Variants in CKAP5 observed in about 807,000 individuals in gnomAD.
CKAP5 encodes cytoskeleton-associated protein 5.
Under a neutral mutation model 232.8 loss-of-function variants are expected in CKAP5, and 27 were observed. The ratio of observed to expected loss-of-function variants is 0.12; its 90% confidence interval spans 0.09 to 0.16. The LOEUF (loss-of-function observed/expected upper bound fraction) is 0.16. Among genes scored for constraint, CKAP5 ranks in the 10% least tolerant of loss-of-function variants. The pLI is 1.00. For missense variants in CKAP5, 1,838 were observed against 2,424.7 expected (o/e 0.76, Z 5.08); for synonymous variants, 785 against 841.1 (o/e 0.93, Z 1.16).
chr11:46,824,229 G>A (rs1433962477), intron 1 of CKAP5, among the ~76,000 whole-genome samples: 1 of 152,216 alleles, frequency 6.6e-6, no homozygotes, highest in Admixed American at 6.5e-5. Flanking sequence ...ATTAGGATAT[G>A]TGGAACTTTC....
intron 35 of CKAP5, 112 bp from the exon 36 acceptor site, chr11:46,755,179 G>A: frequency 1.5e-6 from 1 of 681,570 alleles, no homozygotes. Flanking sequence ...TACTTCTAAA[G>A]TCTTACCTTA....
chr11:46,775,317 AAAC>A (rs1350741758), intron 24 of CKAP5, among the ~76,000 whole-genome samples: 1 of 152,234 alleles, frequency 6.6e-6, no homozygotes, highest in Non-Finnish European at 1.5e-5. Context: ...GCGATCATTA[AAAC>A]AACAGATGCT....
chr11:46,765,537 CTTTTTG>C (rs1442251883), intron 27 of CKAP5, among the ~76,000 whole-genome samples: 1 of 148,804 alleles, frequency 6.7e-6, no homozygotes, highest in Non-Finnish European at 1.5e-5. Context: ...AGGTCACAAA[CTTTTTG>C]TTTTTGTTTT....
rs1160178562 is a variant in CKAP5 at position 46,801,218 on chromosome 11, A to G, written c.1065T>C (p.Phe355=). 1 of 1,613,260 alleles carries G rather than the reference A, an allele frequency of 6.2e-7. No homozygotes were observed. Among genetic ancestry groups the G allele is most frequent in the East Asian group, 2.2e-5 (1 of 44,868 alleles). The part of the protein sequence containing the change: ...TGLAVGLRKK[F]GQYAGHVVPT... ...TACTTACATGTCCTGCATATTGTCC[A>G]AATTTCTTCCTTAGCCCAACAGCCA... The change falls in exon 9 of 44, where the codon TTT becomes TTC. Residue 355 remains phenylalanine (F), a synonymous_variant. Transcript: ENST00000529230.
intron 1 of CKAP5, among the ~76,000 whole-genome samples, chr11:46,829,852 G>GTA (rs1939739831): frequency 6.7e-6 from 1 of 149,446 alleles, no homozygotes; most frequent in African/African-American, 2.5e-5. Flanking sequence ...GTGTGTGTGT[G>GTA]TGTGTGTGTG....
intron 16 of CKAP5, among the ~76,000 whole-genome samples, chr11:46,784,876 G>GA (rs1476272704): frequency 3.3e-5 from 5 of 151,908 alleles, no homozygotes; most frequent in Non-Finnish European, 5.9e-5. Context: ...TGAAGAGAGG[G>GA]AAAAAAAGCT....
In CKAP5 at chr11:46,743,862, T is replaced by C; in HGVS notation, c.*161A>G. The stretch of plus-strand genomic sequence containing the variant: ...AGGACGCTGACAGAGAGAAGCAGAG[T>C]ATGTACAAATACTTGTGCCACAATG... On this transcript the variant is annotated 3_prime_UTR_variant, in exon 44 of 44. Transcript: ENST00000529230. The C allele has an allele frequency of 1.2e-6, 1 of 817,690 alleles. No homozygotes were observed. The highest frequency in any genetic ancestry group is 1.9e-6 in the Non-Finnish European group (1 of 520,080). 50.7% of individuals were successfully genotyped at this position (817,690 alleles called of 1,614,324 possible). A position where few individuals can be genotyped will look rare whatever the true frequency, so the allele number is the denominator to read the frequency against.
Position 46,750,292 on chromosome 11 carries a change from G to A in CKAP5, c.5686C>T (p.Arg1896Cys). Reference sequence around the variant, plus strand: ...ACCATACCTGTTGAAGTGGAAATACGACCTTTGCCCTCCCTCTCCATCTCA... The same window carrying A: ...ACCATACCTGTTGAAGTGGAAATACAACCTTTGCCCTCCCTCTCCATCTCA... ...VIEMEREGKG[R>C]ISTSTGISPQ... The change falls in exon 42 of 44, where the codon CGT (arginine) becomes TGT (cysteine). Residue 1896 changes from arginine to cysteine, a missense_variant. This residue lies in a region of CKAP5 where 579 missense variants were observed against 843.2 expected (regional missense o/e 0.69). Coordinates refer to ENST00000529230, the MANE Select transcript of CKAP5 (RefSeq NM_001008938.4). The A allele has an allele frequency of 1.2e-6, 2 of 1,614,012 alleles. No individual in the cohort carries two copies. The highest frequency in any genetic ancestry group is 1.3e-5 in the African/African-American group (1 of 75,014).
intron 9 of CKAP5, 75 bp downstream of exon 9, chr11:46,801,125 A>T: frequency 9.7e-7 from 1 of 1,034,252 alleles, no homozygotes; most frequent in Non-Finnish European, 1.5e-6. Context: ...GAGTTGTTTT[A>T]AAGCAAACAG....
intron 1 of CKAP5, chr11:46,827,000 G>A (rs1022887529): frequency 9.2e-5 from 14 of 152,690 alleles, no homozygotes; most frequent in African/African-American, 2.2e-4. Context: ...GAGGTTTGCA[G>A]GCCTCAGGCG....
At chr11:46,831,552 AG>A (rs1345181871) in intron 1 of CKAP5, among the ~76,000 whole-genome samples, 1 of 152,172 alleles carries the variant, frequency 6.6e-6, no homozygotes, top group African/African-American at 2.4e-5. Flanking sequence ...TTTTTGAGAC[AG>A]GGTATTGCTC....
In CKAP5 at chr11:46,795,749, G is replaced by C. The variant is rs777595690; in HGVS notation, c.1495C>G (p.Leu499Val). The C allele has an allele frequency of 2.5e-6, 4 of 1,613,672 alleles. No homozygotes were observed. The East Asian group carries it at 8.9e-5, about 36-fold the overall frequency. ...KIKECSEKVELIHGKKAGLAA... is the reference protein window; with the variant it reads ...KIKECSEKVEVIHGKKAGLAA... The stretch of plus-strand genomic sequence containing the variant: ...AGTCCAGCTTTCTTACCATGTATCA[G>C]TTCTACCTTTTCTGAACATTCTTTG... Residue 499 changes from leucine (L) to valine (V), a missense_variant, in exon 13 of 44, where the codon CTG becomes GTG. Transcript: ENST00000529230.
chr11:46,770,188 G>A, intron 25 of CKAP5, 90 bp from the exon 26 acceptor site: 1 of 1,357,570 alleles, frequency 7.4e-7, no homozygotes, highest in Non-Finnish European at 1.0e-6. Context: ...TCAAACAAAT[G>A]ATTGAGCTCC....
Position 46,801,317 on chromosome 11 carries a change from GT to G in CKAP5, c.979-14del. The G allele has an allele frequency of 6.3e-7, 1 of 1,593,190 alleles. No individual in the cohort carries two copies. Among genetic ancestry groups the G allele is most frequent in the Non-Finnish European group, 8.6e-7 (1 of 1,161,340 alleles). ...CCTTTCCAACAACCTACAAAGGGGG[GT>G]AAAAAGGAAAACAAAATAGTCACAG... is the stretch of plus-strand genomic sequence containing the variant. On this transcript the variant is annotated splice_polypyrimidine_tract_variant and intron_variant, in intron 8 of 43. Transcript: ENST00000529230.
chr11:46,844,958 ATCT>A (rs1940148158), intron 1 of CKAP5, among the ~76,000 whole-genome samples: 1 of 152,160 alleles, frequency 6.6e-6, no homozygotes, highest in Non-Finnish European at 1.5e-5. Context: ...CCAGCCTAAA[ATCT>A]TATTTAAAAA....
At chr11:46,757,154 A>G (rs774431377) in intron 35 of CKAP5, among the ~76,000 whole-genome samples, 4 of 152,006 alleles carry the variant, frequency 2.6e-5, no homozygotes, top group Non-Finnish European at 5.9e-5. Flanking sequence ...ATTATCAGCA[A>G]AGTGATGTGG....
At chr11:46,824,852 G>C (rs1387883561) in intron 1 of CKAP5, among the ~76,000 whole-genome samples, 1 of 152,102 alleles carries the variant, frequency 6.6e-6, no homozygotes, top group Non-Finnish European at 1.5e-5. Flanking sequence ...ACAAAGAGAA[G>C]CATTAAGAAG....
chr11:46,801,136 C>T, intron 9 of CKAP5, 64 bp downstream of exon 9: 3 of 1,175,036 alleles, frequency 2.6e-6, no homozygotes, highest in Non-Finnish European at 3.8e-6. Context: ...AAGCAAACAG[C>T]AAACTAGGCC....
chr11:46,745,787 A>T (rs188063312), intron 42 of CKAP5, among the ~76,000 whole-genome samples: 110 of 151,942 alleles, frequency 7.2e-4, no homozygotes, highest in Non-Finnish European at 1.3e-3. Context: ...AAACCCTCTT[A>T]AAAAAAATTC....
Sources: allele counts gnomAD v4.1 joint callset (sites outside exome capture counted in the v4.1 genomes callset), GRCh38; gene constraint gnomAD v4.1.1; regional missense constraint gnomAD v4.1.1; transcripts MANE v1.5; gene names NCBI Gene and HGNC (gene_info 2026-07-23, HGNC 2026-07-21).